The following PYHIN1 variants were observed in gnomAD, a reference collection of about 807,000 sequenced individuals.
The protein encoded by PYHIN1 is pyrin and HIN domain family member 1.
A neutral mutation model predicts 43.7 loss-of-function variants in PYHIN1; 32 were observed. The ratio of observed to expected loss-of-function variants is 0.73; its 90% CI spans 0.55 to 0.98. PYHIN1 has a LOEUF of 0.98. Ranked by LOEUF, PYHIN1 falls within the 50% of genes least tolerant of loss-of-function variation. The pLI, the probability that PYHIN1 is intolerant of heterozygous loss-of-function variation, is 0.00. For missense variants in PYHIN1, 588 were observed against 589.5 expected (o/e 1.00, Z 0.03); for synonymous variants, 205 against 203.1 (o/e 1.01, Z -0.08).
intron 4 of PYHIN1, among the ~76,000 whole-genome samples, chr1:158,941,002 C>T (rs1648879310): frequency 6.6e-6 from 1 of 152,154 alleles, no homozygotes. Context: ...TTAATATTCT[C>T]ATGGATGGAT....
At chr1:158,947,801 G>A (rs573216892) in intron 7 of PYHIN1, among the ~76,000 whole-genome samples, 1 of 152,330 alleles carries the variant, frequency 6.6e-6, no homozygotes, top group African/African-American at 2.4e-5. Flanking sequence ...CAACCCCCAA[G>A]TAAAGAGCGA....
At position 158,952,804 on chromosome 1, in the gene PYHIN1, G is replaced by A. The variant is rs547732238; in HGVS notation, c.1359+7762G>A. ...GTATACAGCTCCCAGCGTAAGCGAC[G>A]CAGAAGATGGGTGATTTCTGCATTT... On this transcript the variant is annotated intron_variant, in intron 7 of 8. Transcript: ENST00000368140. 1.3e-4 allele frequency among the ~76,000 whole-genome samples: 20 copies of A among 152,338 alleles called. No homozygotes were observed. The South Asian group carries it at 2.5e-3, about 19-fold the overall frequency.
chr1:158,979,497 T>C (rs1258014583), downstream of PYHIN1, among the ~76,000 whole-genome samples: 3 of 151,364 alleles, frequency 2.0e-5, no homozygotes, highest in Non-Finnish European at 2.9e-5. Flanking sequence ...CTGTAACTAT[T>C]GCAGAATTTC....
chr1:158,939,703 A>G (rs1243949634), intron 4 of PYHIN1: 1 of 616,904 alleles, frequency 1.6e-6, no homozygotes, highest in Non-Finnish European at 2.9e-6. Context: ...ATCCTCAGGG[A>G]ATCCTCACTT....
intron 7 of PYHIN1, among the ~76,000 whole-genome samples, chr1:158,966,935 G>C (rs939842327): frequency 3.9e-5 from 6 of 152,106 alleles, no homozygotes; most frequent in Non-Finnish European, 7.4e-5. Context: ...ACTTTTTGCA[G>C]ATGACAAAAT....
chr1:158,988,393 A>C, the PYHIN1 span, among the ~76,000 whole-genome samples: 1 of 152,186 alleles, frequency 6.6e-6, no homozygotes, highest in Non-Finnish European at 1.5e-5. Context: ...TGTAAACATG[A>C]ACATTAAAGG....
chr1:158,976,903 T>G lies in PYHIN1; in HGVS notation c.*208T>G. 1 of 198,048 alleles carries G rather than the reference T, an allele frequency of 5.0e-6. No individual in the cohort carries two copies. 12.3% of individuals were successfully genotyped at this position (198,048 alleles called of 1,614,324 possible). A position where few individuals can be genotyped will look rare whatever the true frequency, so the allele number is the denominator to read the frequency against. ...ATATATATATATATATATATATATA[T>G]ATATATATATATACCAGCTATTAAT... On this transcript the variant is annotated 3_prime_UTR_variant, in exon 9 of 9. Transcript: ENST00000368140.
At chr1:158,971,076 G>C (rs1345828592) in intron 7 of PYHIN1, among the ~76,000 whole-genome samples, 1 of 151,910 alleles carries the variant, frequency 6.6e-6, no homozygotes, top group Non-Finnish European at 1.5e-5. Flanking sequence ...TTCAAATAGT[G>C]TTGAATTTTA....
At chr1:158,962,419 T>C (rs1650373853) in intron 7 of PYHIN1, among the ~76,000 whole-genome samples, 1 of 152,152 alleles carries the variant, frequency 6.6e-6, no homozygotes. Flanking sequence ...CCCAACACAC[T>C]GGAGCCACCC....
intron 7 of PYHIN1, among the ~76,000 whole-genome samples, chr1:158,946,325 A>AT (rs1042866881): frequency 6.6e-6 from 1 of 152,048 alleles, no homozygotes; most frequent in Non-Finnish European, 1.5e-5. Context: ...TGGTAAAAAA[A>AT]ATCAGTGAAA....
chr1:158,943,852 A>G lies in PYHIN1; in HGVS notation c.1065A>G (p.Val355=), dbSNP rs765011094. Residue 355 remains valine, a synonymous_variant, in exon 6 of 9, where the codon GTA becomes GTG. Transcript: ENST00000368140. ...EIQDKTGSMA[V]VGKGECHNIP... is the part of the protein sequence containing the mutation. ...AGGATAAAACAGGAAGTATGGCTGT[A>G]GTAGGAAAAGGAGAATGCCACAATA... 2.0e-5 allele frequency: 33 copies of G among 1,610,766 alleles called. No homozygotes were observed. Among genetic ancestry groups the G allele is most frequent in the Non-Finnish European group, 2.5e-5 (30 of 1,177,722 alleles).
At chr1:158,946,888 A>G (rs72704925) in intron 7 of PYHIN1, among the ~76,000 whole-genome samples, 17,003 of 152,232 alleles carry the variant, frequency 0.11, 1,100 homozygotes, top group Non-Finnish European at 0.12. Flanking sequence ...TTTCCTCCCA[A>G]CAATTAAGGA....
intron 3 of PYHIN1, among the ~76,000 whole-genome samples, chr1:158,938,758 A>G (rs1394697878): frequency 6.6e-6 from 1 of 152,202 alleles, no homozygotes; most frequent in African/African-American, 2.4e-5. Context: ...TAAATATAAT[A>G]TTTTCATCTC....
intron 7 of PYHIN1, among the ~76,000 whole-genome samples, chr1:158,947,579 T>C (rs1649291143): frequency 6.6e-6 from 1 of 152,224 alleles, no homozygotes; most frequent in African/African-American, 2.4e-5. Context: ...CTGCAGACCC[T>C]GACCCAACAA....
intron 7 of PYHIN1, among the ~76,000 whole-genome samples, chr1:158,947,704 T>A (rs1571739608): frequency 6.6e-6 from 1 of 152,102 alleles, no homozygotes; most frequent in African/African-American, 2.4e-5. Flanking sequence ...CAGCCTCCAC[T>A]AGCCAGCCCT....
intron 7 of PYHIN1, among the ~76,000 whole-genome samples, chr1:158,949,830 G>A (rs1195470018): frequency 3.9e-5 from 6 of 152,200 alleles, no homozygotes; most frequent in East Asian, 1.9e-4. Flanking sequence ...GTGAGCACAG[G>A]AAGGAATGTT....
Position 158,976,771 on chromosome 1 carries a change from T to C in PYHIN1, c.*76T>C, listed in dbSNP as rs1571794350. ...TCAAGTGTGGAAATTTTGCCTGAAGTCCTCCACCTAAAAACCTGATGCCAT... is the reference window on the plus strand; with the variant it reads ...TCAAGTGTGGAAATTTTGCCTGAAGCCCTCCACCTAAAAACCTGATGCCAT... On this transcript the variant is annotated 3_prime_UTR_variant, in exon 9 of 9. Coordinates refer to ENST00000368140, the MANE Select transcript of PYHIN1 (RefSeq NM_152501.5). The C allele has an allele frequency of 2.0e-6, 3 of 1,519,946 alleles. No individual in the cohort carries two copies. The highest frequency in any genetic ancestry group is 2.7e-6 in the Non-Finnish European group (3 of 1,101,732). 94.2% of individuals were successfully genotyped at this position (1,519,946 alleles called of 1,614,324 possible).
chr1:158,940,801 T>C (rs1648868683), intron 4 of PYHIN1, among the ~76,000 whole-genome samples: 1 of 152,188 alleles, frequency 6.6e-6, no homozygotes, highest in Non-Finnish European at 1.5e-5. Context: ...TACGTGAAAT[T>C]CCAGCATCCA....
At chr1:158,964,538 T>A (rs1200693742) in intron 7 of PYHIN1, among the ~76,000 whole-genome samples, 1 of 152,172 alleles carries the variant, frequency 6.6e-6, no homozygotes, top group Non-Finnish European at 1.5e-5. Context: ...ACAGCAGAAC[T>A]TTCAACAGGA....
Sources: allele counts gnomAD v4.1 joint callset (sites outside exome capture counted in the v4.1 genomes callset), GRCh38; gene constraint gnomAD v4.1.1; transcripts MANE v1.5; gene names NCBI Gene and HGNC (gene_info 2026-07-23, HGNC 2026-07-21).